MRPS10: variants seen among roughly 807,000 people sequenced by gnomAD.
MRPS10 encodes mitochondrial ribosomal protein S10.
MRPS10 carries 23 observed loss-of-function variants against 27.5 expected under a neutral mutation model. The observed-to-expected ratio is 0.84, with a 90% CI of 0.60 to 1.18. The LOEUF is 1.18. Among genes scored for constraint, MRPS10 ranks in the 50% most tolerant of loss-of-function variants. MRPS10 has a pLI of 0.00. For missense variants in MRPS10, 237 were observed against 240.1 expected (o/e 0.99, Z 0.09); for synonymous variants, 88 against 84.2 (o/e 1.04, Z -0.25).
At chr6:42,212,543 A>G (rs1230321290) in intron 3 of MRPS10, among the ~76,000 whole-genome samples, 2 of 152,364 alleles carry the variant, frequency 1.3e-5, no homozygotes, top group South Asian at 2.1e-4. Context: ...TTTAAATGAT[A>G]TGACACTGAC....
chr6:42,208,613 A>C (rs1768678545), intron 6 of MRPS10, among the ~76,000 whole-genome samples: 1 of 152,170 alleles, frequency 6.6e-6, no homozygotes, highest in Non-Finnish European at 1.5e-5. Context: ...CCCCAGGTCT[A>C]GACAACTCAT....
At chr6:42,208,473 C>A in intron 6 of MRPS10, 101 bp from the exon 7 acceptor site, 1 of 892,772 alleles carries the variant, frequency 1.1e-6, no homozygotes, top group East Asian at 2.4e-5. Flanking sequence ...ACTTCTTTTT[C>A]TTTTATCCCC....
chr6:42,211,620 G>C (rs1264822598), intron 4 of MRPS10, among the ~76,000 whole-genome samples, 161 bp downstream of exon 4: 1 of 149,922 alleles, frequency 6.7e-6, no homozygotes, highest in East Asian at 2.0e-4. Flanking sequence ...GTTGCAGTGA[G>C]CTGAGGTTGT....
chr6:42,213,977 A>C, intron 3 of MRPS10, 143 bp downstream of exon 3: 1 of 573,302 alleles, frequency 1.7e-6, no homozygotes, highest in African/African-American at 1.9e-5. Flanking sequence ...GAGTTAAGAG[A>C]ATATATGCGT....
intron 1 of MRPS10, among the ~76,000 whole-genome samples, chr6:42,217,528 G>A (rs1472736454): frequency 6.6e-6 from 1 of 152,172 alleles, no homozygotes; most frequent in Non-Finnish European, 1.5e-5. Context: ...CGTGAAAGGA[G>A]GGGTTTTGGA....
At chr6:42,209,747 C>CAAAAA (rs60179760) in intron 5 of MRPS10, among the ~76,000 whole-genome samples, 7 of 58,636 alleles carry the variant, frequency 1.2e-4, no homozygotes, top group African/African-American at 4.4e-4. Flanking sequence ...GACTCTATCT[C>CAAAAA]AAAAAAAAAA....
In MRPS10 at chr6:42,211,822, A is replaced by G; in HGVS notation, c.282T>C (p.Phe94=). 1 of 1,614,086 alleles carries G rather than the reference A, an allele frequency of 6.2e-7. No homozygotes were observed. The highest frequency in any genetic ancestry group is 1.1e-5 in the South Asian group (1 of 91,058). ...DKAVLDSYEY[F]AVLAAKELGI... ...CAAGTTCTTTAGCAGCAAGCACAGC[A>G]AAATATTCATAACTGTCCAATACAG... Residue 94 remains phenylalanine (F), a synonymous_variant, in exon 4 of 7, where the codon TTT becomes TTC. Transcript: ENST00000053468.
At chr6:42,217,584 A>T (rs772286108) in intron 1 of MRPS10, among the ~76,000 whole-genome samples, 2 of 152,208 alleles carry the variant, frequency 1.3e-5, no homozygotes, top group Non-Finnish European at 2.9e-5. Flanking sequence ...TTCTACGATT[A>T]TTCTTGTTCC....
At chr6:42,215,486 G>T (rs1436989784) in intron 1 of MRPS10, among the ~76,000 whole-genome samples, 3 of 152,164 alleles carry the variant, frequency 2.0e-5, no homozygotes, top group African/African-American at 7.2e-5. Context: ...ATCCAGGCTG[G>T]AGTGCAGTTG....
intron 4 of MRPS10, 99 bp downstream of exon 4, chr6:42,211,673 CAAAAAAAAA>C: frequency 1.5e-6 from 1 of 674,878 alleles, no homozygotes; most frequent in Non-Finnish European, 2.1e-6. Context: ...GACTCTGTCT[CAAAAAAAAA>C]AAAAAAAAAG....
chr6:42,208,355 T>C lies in MRPS10; in HGVS notation c.540A>G (p.Leu180=). ...AGATTGGCTCCTTGATGTGTTCTGGTAACTGTTCTAATTGTGTCTAAAAAA... is the reference window on the plus strand; with the variant it reads ...AGATTGGCTCCTTGATGTGTTCTGGCAACTGTTCTAATTGTGTCTAAAAAA... ...MEVTKTQLEQ[L]PEHIKEPIWE... Residue 180 remains leucine, a synonymous_variant, in exon 7 of 7, where the codon TTA becomes TTG. Coordinates refer to ENST00000053468, the MANE Select transcript of MRPS10 (RefSeq NM_018141.4). 4 of 1,608,602 alleles carry C rather than the reference T, an allele frequency of 2.5e-6. No homozygotes were observed. The highest frequency in any genetic ancestry group is 3.4e-6 in the Non-Finnish European group (4 of 1,176,170).
intron 5 of MRPS10, among the ~76,000 whole-genome samples, chr6:42,209,948 T>C (rs2113860437): frequency 6.6e-6 from 1 of 152,114 alleles, no homozygotes; most frequent in Admixed American, 6.5e-5. Context: ...ACTAACCTTA[T>C]GAGATGGGTA....
At chr6:42,216,029 T>TTC (rs1202608189) in intron 1 of MRPS10, among the ~76,000 whole-genome samples, 1 of 33,248 alleles carries the variant, frequency 3.0e-5, no homozygotes, top group African/African-American at 5.3e-5. Context: ...TTCTTTTCTT[T>TTC]TTTTTTTTTT....
rs60179760 is a variant in MRPS10 at position 42,209,747 on chromosome 6, C to CA, written c.432+740dup. On this transcript the variant is annotated intron_variant, in intron 5 of 6. Coordinates refer to ENST00000053468, the MANE Select transcript of MRPS10 (RefSeq NM_018141.4). ...GTGGTGACAGAGTGAGACTCTATCT[C>CA]AAAAAAAAAAAAAAAAAAAAAAAAA... Among the ~76,000 whole-genome samples, 51 of 58,638 alleles carry CA rather than the reference C, an allele frequency of 8.7e-4. 4 individuals are homozygous for CA. The highest frequency in any genetic ancestry group is 3.4e-3 in the African/African-American group (46 of 13,640). 38.5% of individuals were successfully genotyped at this position (58,638 alleles called of 152,430 possible).
chr6:42,216,176 G>A (rs1768925657), intron 1 of MRPS10, among the ~76,000 whole-genome samples: 1 of 150,944 alleles, frequency 6.6e-6, no homozygotes, highest in South Asian at 2.1e-4. Flanking sequence ...GGGGCCCACC[G>A]CCACACTCAG....
intron 5 of MRPS10, 59 bp from the exon 6 acceptor site, chr6:42,209,006 GTT>G: frequency 2.3e-6 from 1 of 442,236 alleles, no homozygotes; most frequent in Non-Finnish European, 3.4e-6. Context: ...ACGGTTTTTT[GTT>G]TTTTTTTTTG....
At chr6:42,215,544 A>T (rs1403074590) in intron 1 of MRPS10, among the ~76,000 whole-genome samples, 1 of 151,768 alleles carries the variant, frequency 6.6e-6, no homozygotes, top group Non-Finnish European at 1.5e-5. Flanking sequence ...CTCCCACCCC[A>T]GTCTCCCAGA....
chr6:42,209,002 TTTTG>T, intron 5 of MRPS10, 55 bp from the exon 6 acceptor site: 20 of 1,169,464 alleles, frequency 1.7e-5, no homozygotes, highest in African/African-American at 3.8e-5. Flanking sequence ...AAGCACGGTT[TTTTG>T]TTTTTTTTTT....
At chr6:42,217,748 C>A (rs1582357206) in intron 1 of MRPS10, 54 bp downstream of exon 1, 3 of 1,589,652 alleles carry the variant, frequency 1.9e-6, no homozygotes, top group East Asian at 2.2e-5. Flanking sequence ...GGCAGGGAAA[C>A]TTAAAAGCAA....
Sources: allele counts gnomAD v4.1 joint callset (sites outside exome capture counted in the v4.1 genomes callset), GRCh38; gene constraint gnomAD v4.1.1; transcripts MANE v1.5; gene names NCBI Gene and HGNC (gene_info 2026-07-23, HGNC 2026-07-21).